ANKRD39: variants seen among roughly 807,000 people sequenced by gnomAD.
ANKRD39 encodes the protein ankyrin repeat domain-containing protein 39.
A neutral mutation model predicts 20.3 loss-of-function variants in ANKRD39; 18 were observed. The observed-to-expected ratio is 0.89, with a 90% CI of 0.61 to 1.32. ANKRD39 has a LOEUF of 1.32. ANKRD39 is among the 40% of genes most tolerant of loss of function. The probability of loss-of-function intolerance (pLI) is 0.00; values close to 1 mark genes in which losing one functional copy is unlikely to be tolerated. For synonymous variants in ANKRD39, 106 were observed against 111.9 expected (o/e 0.95, Z 0.33); for missense variants, 243 against 250.7 (o/e 0.97, Z 0.21).
At chr2:96,852,046 G>A (rs2079840433) in intron 3 of ANKRD39, among the ~76,000 whole-genome samples, 2 of 152,048 alleles carry the variant, frequency 1.3e-5, no homozygotes, top group South Asian at 4.2e-4. Flanking sequence ...ATGTGGTGAA[G>A]CTGTTTTTAG....
intron 3 of ANKRD39, among the ~76,000 whole-genome samples, chr2:96,852,166 T>C (rs2079840917): frequency 6.6e-6 from 1 of 151,832 alleles, no homozygotes; most frequent in Non-Finnish European, 1.5e-5. Context: ...GAGCTGTGAT[T>C]GTGCAAGTGT....
chr2:96,856,074 T>A (rs113649582), intron 1 of ANKRD39, among the ~76,000 whole-genome samples: 1 of 152,244 alleles, frequency 6.6e-6, no homozygotes, highest in African/African-American at 2.4e-5. Context: ...GTGACAACAG[T>A]AGCTAAAACT....
At chr2:96,851,938 C>G (rs977706540) in intron 3 of ANKRD39, among the ~76,000 whole-genome samples, 5 of 152,110 alleles carry the variant, frequency 3.3e-5, no homozygotes, top group Admixed American at 6.5e-5. Flanking sequence ...TGCCTGTAAT[C>G]CCAGCACTTT....
At chr2:96,853,367 G>T in intron 3 of ANKRD39, 34 bp downstream of exon 3, 2 of 1,547,308 alleles carry the variant, frequency 1.3e-6, no homozygotes, top group Non-Finnish European at 1.8e-6. Context: ...TAAAAATAAG[G>T]AAACGACATT....
intron 1 of ANKRD39, among the ~76,000 whole-genome samples, chr2:96,857,368 C>A (rs2079870491): frequency 6.6e-6 from 1 of 152,230 alleles, no homozygotes; most frequent in South Asian, 2.1e-4. Flanking sequence ...AAACGTGTTA[C>A]CTCTCTGGGT....
chr2:96,853,395 G>T lies in ANKRD39; in HGVS notation c.408+6C>A, dbSNP rs1237984131. The stretch of plus-strand genomic sequence containing the variant: ...ACGACATTTTTGGAAGGGGGAACGG[G>T]CCCACCTTATGCAGACTGGTCATGC... On this transcript the variant is annotated splice_donor_region_variant and intron_variant, in intron 3 of 3. Transcript: ENST00000393537. 4 of 1,567,566 alleles carry T rather than the reference G, an allele frequency of 2.6e-6. No homozygotes were observed. In the East Asian group the frequency reaches 7.2e-5, roughly 28 times the overall value.
In ANKRD39 at chr2:96,849,328, TA is replaced by T. The variant is rs764558731; in HGVS notation, c.409-885del. 1.5e-4 allele frequency among the ~76,000 whole-genome samples: 23 copies of T among 152,106 alleles called. 2 individuals are homozygous for T. Among genetic ancestry groups the T allele is most frequent in the Admixed American group, 5.2e-4 (8 of 15,280 alleles). The stretch of plus-strand genomic sequence containing the variant: ...CCACTACACGTGGCTAACCTTTTTT[TA>T]AAAAATAATTTATTTTGAATTTTTA... On this transcript the variant is annotated intron_variant, in intron 3 of 3. Coordinates refer to ENST00000393537, the MANE Select transcript of ANKRD39 (RefSeq NM_016466.6).
At chr2:96,848,896 G>T (rs1234122368) in intron 3 of ANKRD39, among the ~76,000 whole-genome samples, 1 of 152,112 alleles carries the variant, frequency 6.6e-6, no homozygotes, top group Non-Finnish European at 1.5e-5. Flanking sequence ...AAATCCCAGT[G>T]ACTTTATTCT....
At chr2:96,854,612 A>G (rs1440660633) in intron 1 of ANKRD39, among the ~76,000 whole-genome samples, 171 bp from the exon 2 acceptor site, 1 of 152,236 alleles carries the variant, frequency 6.6e-6, no homozygotes, top group Non-Finnish European at 1.5e-5. Context: ...CTGGTGACTT[A>G]GCTGTGAACA....
At chr2:96,853,745 C>A (rs1175310700) in intron 2 of ANKRD39, 141 bp from the exon 3 acceptor site, 1 of 742,446 alleles carries the variant, frequency 1.3e-6, no homozygotes, top group African/African-American at 1.7e-5. Flanking sequence ...GTGACCTGGG[C>A]AAGCTTCTGC....
chr2:96,849,447 C>T (rs1439132892), intron 3 of ANKRD39, among the ~76,000 whole-genome samples: 2 of 151,988 alleles, frequency 1.3e-5, no homozygotes. Context: ...GTCAGGAGTT[C>T]GAGACCAGCC....
chr2:96,854,563 A>C, intron 1 of ANKRD39, 122 bp from the exon 2 acceptor site: 2 of 922,390 alleles, frequency 2.2e-6, no homozygotes, highest in Non-Finnish European at 3.3e-6. Flanking sequence ...AACAAATATC[A>C]ACCGAGCACC....
Position 96,848,037 on chromosome 2 carries a change from G to A in ANKRD39, c.*264C>T. Reference sequence around the variant, plus strand: ...ATCTTGCAATTTATCTTTGGGTGTGGGATGAGGTAAGGATATAACTTTATT... The same window carrying A: ...ATCTTGCAATTTATCTTTGGGTGTGAGATGAGGTAAGGATATAACTTTATT... On this transcript the variant is annotated 3_prime_UTR_variant, in exon 4 of 4. Coordinates refer to ENST00000393537, the MANE Select transcript of ANKRD39 (RefSeq NM_016466.6). 1 of 327,038 alleles carries A rather than the reference G, an allele frequency of 3.1e-6. No homozygotes were observed. Among genetic ancestry groups the A allele is most frequent in the Non-Finnish European group, 5.6e-6 (1 of 178,692 alleles). The allele number at this position is 327,038 out of a possible 1,614,324, so 20.3% of individuals were successfully genotyped here.
At chr2:96,852,181 T>C (rs1257025275) in intron 3 of ANKRD39, among the ~76,000 whole-genome samples, 1 of 151,560 alleles carries the variant, frequency 6.6e-6, no homozygotes, top group African/African-American at 2.4e-5. Context: ...AAGTGTACTC[T>C]AGCCTGGGTG....
chr2:96,848,544 T>C, intron 3 of ANKRD39, 100 bp from the exon 4 acceptor site: 2 of 1,489,924 alleles, frequency 1.3e-6, no homozygotes, highest in South Asian at 2.5e-5. Flanking sequence ...AAAAGAGGCC[T>C]CTCTGGGCGC....
chr2:96,853,824 C>T (rs1156845481), intron 2 of ANKRD39, among the ~76,000 whole-genome samples: 4 of 152,298 alleles, frequency 2.6e-5, no homozygotes, highest in African/African-American at 7.2e-5. Flanking sequence ...AGAATTGTTA[C>T]GAAAATAAAA....
intron 1 of ANKRD39, 104 bp from the exon 2 acceptor site, chr2:96,854,545 A>T (rs2079854051): frequency 9.1e-7 from 1 of 1,101,232 alleles, no homozygotes; most frequent in Admixed American, 2.0e-5. Flanking sequence ...AAGAATATTC[A>T]TTCCTTCAAC....
At chr2:96,851,169 T>C (rs1281400140) in intron 3 of ANKRD39, among the ~76,000 whole-genome samples, 1 of 151,808 alleles carries the variant, frequency 6.6e-6, no homozygotes, top group Non-Finnish European at 1.5e-5. Context: ...TTTGTTTTTT[T>C]TTTTGAGACA....
chr2:96,855,080 G>A (rs908650617), intron 1 of ANKRD39, among the ~76,000 whole-genome samples: 1 of 152,198 alleles, frequency 6.6e-6, no homozygotes, highest in Non-Finnish European at 1.5e-5. Flanking sequence ...GCAAATATAG[G>A]TGAGATGAGG....
Sources: allele counts gnomAD v4.1 joint callset (sites outside exome capture counted in the v4.1 genomes callset), GRCh38; gene constraint gnomAD v4.1.1; transcripts MANE v1.5; gene names NCBI Gene and HGNC (gene_info 2026-07-23, HGNC 2026-07-21).